TNS2: variants seen among roughly 807,000 people sequenced by gnomAD.
The protein encoded by TNS2 is tensin-2.
Under a neutral mutation model 155.7 loss-of-function variants are expected in TNS2, and 77 were observed. The ratio of observed to expected loss-of-function variants is 0.49; its 90% confidence interval spans 0.41 to 0.60. The LOEUF is 0.60. Among genes scored for constraint, TNS2 ranks in the 20% least tolerant of loss-of-function variants. The probability of loss-of-function intolerance (pLI) is 0.00; values close to 1 mark genes in which losing one functional copy is unlikely to be tolerated. For missense variants in TNS2, 1,703 were observed against 1,868.8 expected, an observed-to-expected ratio of 0.91 and a Z score of 1.64; for synonymous variants, 726 against 763.9, an observed-to-expected ratio of 0.95 and a Z score of 0.82.
upstream of TNS2, among the ~76,000 whole-genome samples, chr12:53,048,139 G>C (rs933516466): frequency 1.3e-5 from 2 of 152,134 alleles, no homozygotes; most frequent in Admixed American, 1.3e-4. Flanking sequence ...TTTTCCCCTC[G>C]GGACTGGCTC....
At chr12:53,054,530 C>T in intron 7 of TNS2, 89 bp downstream of exon 7, 10 of 1,116,232 alleles carry the variant, frequency 9.0e-6, no homozygotes, top group Non-Finnish European at 1.0e-5. Flanking sequence ...CCAGCGGAGG[C>T]GAGGCCGCCA....
Position 53,058,635 on chromosome 12 carries a change from A to G in TNS2, c.1289A>G (p.Lys430Arg). Residue 430 changes from lysine (K) to arginine (R), a missense_variant and splice_region_variant, in exon 16 of 29, where the codon AAA becomes AGA. Coordinates refer to ENST00000314250, the MANE Select transcript of TNS2 (RefSeq NM_170754.4). ...FVFSSSPEKI[K>R]GSTPRNDPSV... ...TTCTCCTCCAGCCCCGAGAAGATCA[A>G]AGGTAAGAGCAGGGACATGGGCTGG... The G allele has an allele frequency of 6.2e-7, 1 of 1,614,030 alleles. No individual in the cohort carries two copies. The highest frequency in any genetic ancestry group is 8.5e-7 in the Non-Finnish European group (1 of 1,179,968).
Position 53,060,551 on chromosome 12 carries a change from G to C in TNS2, c.2764G>C (p.Glu922Gln), listed in dbSNP as rs768946479. The part of the protein sequence containing the change: ...LHTSSPVQGK[E>Q]STRRQDTRSP... The stretch of plus-strand genomic sequence containing the variant: ...CACCAGCAGTCCAGTCCAGGGCAAG[G>C]AAAGGTATGCAGAGGGGCCGGGGAT... The change falls in exon 19 of 29, where the codon GAA (glutamate) becomes CAA (glutamine). Residue 922 changes from glutamate to glutamine, a missense_variant. Transcript: ENST00000314250. The surrounding 1 kb of genome is among the most constrained non-coding windows in gnomAD (Gnocchi z 6.1). 2.5e-6 allele frequency: 4 copies of C among 1,613,468 alleles called. No individual in the cohort carries two copies. Among genetic ancestry groups the C allele is most frequent in the Non-Finnish European group, 3.4e-6 (4 of 1,179,900 alleles).
At chr12:53,061,690 T>C (rs1401939880) in intron 21 of TNS2, 125 bp from the exon 22 acceptor site, 1 of 1,500,894 alleles carries the variant, frequency 6.7e-7, no homozygotes, top group African/African-American at 1.4e-5. Flanking sequence ...CCTCAGACTC[T>C]TACCGCCACC....
At chr12:53,052,845 C>T (rs768308293) in intron 3 of TNS2, among the ~76,000 whole-genome samples, 1 of 151,934 alleles carries the variant, frequency 6.6e-6, no homozygotes, top group Non-Finnish European at 1.5e-5. Flanking sequence ...ACTGGGCAGC[C>T]GGATGGGCTG....
At chr12:53,054,180 C>T in intron 6 of TNS2, 90 bp from the exon 7 acceptor site, 1 of 1,582,134 alleles carries the variant, frequency 6.3e-7, no homozygotes, top group Non-Finnish European at 8.7e-7. Context: ...CAGCAGGCTT[C>T]ACCTGCTGCC....
In TNS2 at chr12:53,061,805, C is replaced by T; in HGVS notation, c.3449-10C>T. On this transcript the variant is annotated splice_polypyrimidine_tract_variant and intron_variant, in intron 21 of 28. Transcript: ENST00000314250. Reference sequence around the variant, plus strand: ...CTCCTCCCCACTGCCCGCTACCCCTCACCCTGCAGCCATTGCCCTGCTGAA... The same window carrying T: ...CTCCTCCCCACTGCCCGCTACCCCTTACCCTGCAGCCATTGCCCTGCTGAA... 6.2e-7 allele frequency: 1 copy of T among 1,609,784 alleles called. No homozygotes were observed. Among genetic ancestry groups the T allele is most frequent in the Non-Finnish European group, 8.5e-7 (1 of 1,177,816 alleles).
chr12:53,061,343 T>G (rs753822734), intron 20 of TNS2, 37 bp from the exon 21 acceptor site: 8 of 1,613,168 alleles, frequency 5.0e-6, no homozygotes, highest in Middle Eastern at 1.7e-4. Context: ...GGGACCCGGG[T>G]ACCCTGGGGT....
Position 53,063,182 on chromosome 12 carries a change from G to T in TNS2, c.3917G>T (p.Ser1306Ile). 6.2e-7 allele frequency: 1 copy of T among 1,612,274 alleles called. No homozygotes were observed. ...ARASSAALSC[S>I]PRPTPAVVHF... ...GCCAGCTCTGCAGCTCTGAGCTGTA[G>T]CCCCCGCCCGACACCAGCTGTTGTC... is the stretch of plus-strand genomic sequence containing the variant. The change falls in exon 26 of 29, where the codon AGC (serine) becomes ATC (isoleucine). Residue 1306 changes from serine (S) to isoleucine (I), a missense_variant. Coordinates refer to ENST00000314250, the MANE Select transcript of TNS2 (RefSeq NM_170754.4). The surrounding 1 kb of genome is among the most constrained non-coding windows in gnomAD (Gnocchi z 5.6).
At position 53,058,378 on chromosome 12, in the gene TNS2, C is replaced by G. The variant is rs563981300; in HGVS notation, c.1158C>G (p.Phe386Leu). Residue 386 changes from phenylalanine (F) to leucine (L), a missense_variant, in exon 15 of 29, where the codon TTC becomes TTG. Coordinates refer to ENST00000314250, the MANE Select transcript of TNS2 (RefSeq NM_170754.4). ...GGACCCTCGTGTTCCGAGTCCAGTT[C>G]CACACCTGCACCATCCACGGACCAC... ...TDRTLVFRVQ[F>L]HTCTIHGPQL... The G allele has an allele frequency of 1.9e-6, 3 of 1,614,190 alleles. No individual in the cohort carries two copies. The South Asian group carries it at 3.3e-5, about 18-fold the overall frequency.
At chr12:53,053,837 G>A in intron 5 of TNS2, 25 bp downstream of exon 5, 1 of 1,613,662 alleles carries the variant, frequency 6.2e-7, no homozygotes, top group South Asian at 1.1e-5. Flanking sequence ...GAGCAGGAGG[G>A]GGAAGCAGGT....
intron 1 of TNS2, among the ~76,000 whole-genome samples, chr12:53,051,632 C>T (rs907799084): frequency 6.6e-6 from 1 of 152,224 alleles, no homozygotes; most frequent in Non-Finnish European, 1.5e-5. Context: ...TGGGGAGGAG[C>T]TGACCCAGCA....
At position 53,057,694 on chromosome 12, in the gene TNS2, G is replaced by C; in HGVS notation, c.958+15G>C. On this transcript the variant is annotated intron_variant, in intron 12 of 28. Transcript: ENST00000314250. ...ACCTGGCACAGGTGAGTCTGCCTGA[G>C]ATGTGCTCCCTAGGGAGAACCACCT... 1 of 1,613,932 alleles carries C rather than the reference G, an allele frequency of 6.2e-7. No individual in the cohort carries two copies. Among genetic ancestry groups the C allele is most frequent in the Non-Finnish European group, 8.5e-7 (1 of 1,179,858 alleles).
Position 53,062,696 on chromosome 12 carries a change from T to C in TNS2, c.3822T>C (p.Ala1274=). The change falls in exon 25 of 29, where the codon GCT becomes GCC. Residue 1274 remains alanine (A), a splice_region_variant and synonymous_variant. Coordinates refer to ENST00000314250, the MANE Select transcript of TNS2 (RefSeq NM_170754.4). ...CGGCAGACCTCCTGCGTCAGGGTGC[T>C]GGTAGAGACTTCCCCTCCACTCCCC... ...STAADLLRQG[A]ACSVLYLTSV... is the part of the protein sequence containing the mutation. The C allele has an allele frequency of 1.9e-6, 3 of 1,613,772 alleles. No individual in the cohort carries two copies. Among genetic ancestry groups the C allele is most frequent in the Non-Finnish European group, 2.5e-6 (3 of 1,179,890 alleles).
intron 7 of TNS2, 137 bp downstream of exon 7, chr12:53,054,578 C>T: frequency 8.5e-7 from 1 of 1,171,382 alleles, no homozygotes; most frequent in Non-Finnish European, 1.1e-6. Flanking sequence ...GGGCGGGGCC[C>T]GGAGCGCGGC....
At chr12:53,057,132 G>A in intron 11 of TNS2, 36 bp downstream of exon 11, 1 of 1,591,048 alleles carries the variant, frequency 6.3e-7, no homozygotes, top group Non-Finnish European at 8.6e-7. Context: ...CAGAGGAGCA[G>A]CTCCCTTCAT....
chr12:53,062,456 G>C lies in TNS2; in HGVS notation c.3745+3G>C. 6.2e-7 allele frequency: 1 copy of C among 1,613,638 alleles called. No homozygotes were observed. The highest frequency in any genetic ancestry group is 8.5e-7 in the Non-Finnish European group (1 of 1,179,922). ...CTGCCTGCGCATTCCCAGCAAAGGT[G>C]AGTGTCTGGTCATCTGTCCTCCCCA... is the stretch of plus-strand genomic sequence containing the variant. On this transcript the variant is annotated splice_donor_region_variant and intron_variant, in intron 24 of 28. Coordinates refer to ENST00000314250, the MANE Select transcript of TNS2 (RefSeq NM_170754.4).
At position 53,060,490 on chromosome 12, in the gene TNS2, T is replaced by G; in HGVS notation, c.2703T>G (p.Ala901=). The G allele has an allele frequency of 1.2e-6, 2 of 1,613,780 alleles. No homozygotes were observed. The highest frequency in any genetic ancestry group is 1.3e-5 in the African/African-American group (1 of 74,980). ...PRSPRDAPCS[A]SSELSGPSTP... Reference sequence around the variant, plus strand: ...CTCCCCGAGATGCCCCATGCAGTGCTTCGTCAGAGTTGTCTGGTCCCTCCA... The same window carrying G: ...CTCCCCGAGATGCCCCATGCAGTGCGTCGTCAGAGTTGTCTGGTCCCTCCA... Residue 901 remains alanine (A), a synonymous_variant, in exon 19 of 29, where the codon GCT becomes GCG. Coordinates refer to ENST00000314250, the MANE Select transcript of TNS2 (RefSeq NM_170754.4). This position sits in a 1 kb window ranked among gnomAD's most constrained non-coding sequence, Gnocchi z 6.1.
rs1374576237 is a variant in TNS2 at position 53,062,998 on chromosome 12, T to C, written c.3824-91T>C. 3 of 1,445,696 alleles carry C rather than the reference T, an allele frequency of 2.1e-6. No individual in the cohort carries two copies. The East Asian group carries it at 6.9e-5, about 33-fold the overall frequency. 89.6% of individuals were successfully genotyped at this position (1,445,696 alleles called of 1,614,324 possible). On this transcript the variant is annotated intron_variant, in intron 25 of 28. Transcript: ENST00000314250. ...AAGTCACCTATGTGATTGTAAAGCATGTGACAGCAGTAGCTGGGGAATGTG... is the reference window on the plus strand; with the variant it reads ...AAGTCACCTATGTGATTGTAAAGCACGTGACAGCAGTAGCTGGGGAATGTG...
Sources: allele counts gnomAD v4.1 joint callset (sites outside exome capture counted in the v4.1 genomes callset), GRCh38; gene constraint gnomAD v4.1.1; non-coding constraint Gnocchi (gnomAD v3.1); transcripts MANE v1.5; gene names NCBI Gene and HGNC (gene_info 2026-07-23, HGNC 2026-07-21).